The following MSH6 variants were observed in gnomAD, a reference collection of about 807,000 sequenced individuals.
MSH6 encodes the protein DNA mismatch repair protein Msh6.
In MSH6, 85 loss-of-function variants were observed where a neutral mutation model predicts 119.1. The ratio of observed to expected loss-of-function variants is 0.71; its 90% CI spans 0.60 to 0.85. The LOEUF is 0.85. Ranked by LOEUF, MSH6 falls within the 40% of genes least tolerant of loss-of-function variation. The pLI is 0.00. For synonymous variants in MSH6, 830 were observed against 586.9 expected (o/e 1.41, Z -5.99); for missense variants, 2,163 against 1,655.3 (o/e 1.31, Z -5.32).
intron 1 of MSH6, chr2:47,783,734 G>A (rs933819192): frequency 3.4e-4 from 169 of 491,828 alleles, no homozygotes; most frequent in Non-Finnish European, 4.4e-4. Context: ...CAGGGGAGAC[G>A]CGGAGAGTTC....
At chr2:47,809,153 G>A (rs368811481), downstream of MSH6, 47 of 1,498,728 alleles carry the variant, frequency 3.1e-5, no homozygotes, top group Non-Finnish European at 3.8e-5. Flanking sequence ...ATATTTCTAA[G>A]TTACCTGTAG....
At position 47,806,751 on chromosome 2, in the gene MSH6, CTT is replaced by C. The variant is rs59056100; in HGVS notation, c.4002-11_4002-10del. On this transcript the variant is annotated intron_variant, in intron 9 of 9. Coordinates refer to ENST00000234420, the MANE Select transcript of MSH6 (RefSeq NM_000179.3). ...GATGCACTATGAAAAAACAAAAAAA[CTT>C]TTTTTTTTTTTTTTTTAATTTTAAG... is the stretch of plus-strand genomic sequence containing the variant. The C allele has an allele frequency of 0.051, 70,887 of 1,399,250 alleles. 3 individuals are homozygous for C. Among genetic ancestry groups the C allele is most frequent in the Non-Finnish European group, 0.053 (54,390 of 1,033,070 alleles). The allele number at this position is 1,399,250 out of a possible 1,614,324, so 86.7% of individuals were successfully genotyped here. A position where few individuals can be genotyped will look rare whatever the true frequency, so the allele number is the denominator to read the frequency against.
At chr2:47,807,515 C>T (rs958657911), downstream of MSH6, 4 of 208,960 alleles carry the variant, frequency 1.9e-5, no homozygotes, top group East Asian at 1.5e-4. Flanking sequence ...ATAGAAAGAA[C>T]GTACATACTG....
intron 7 of MSH6, 45 bp downstream of exon 7, chr2:47,805,752 C>A: frequency 2.3e-6 from 3 of 1,327,286 alleles, no homozygotes; most frequent in Non-Finnish European, 3.3e-6. Context: ...ATCTTAAAAA[C>A]ATTTGTACAA....
chr2:47,809,974 T>C (rs1331093231), downstream of MSH6: 6 of 495,288 alleles, frequency 1.2e-5, no homozygotes, highest in Non-Finnish European at 1.8e-5. Flanking sequence ...TTGCATCCAT[T>C]TTAACATCTC....
downstream of MSH6, chr2:47,807,080 GCTGTTTTATACCCA>G: frequency 1.8e-6 from 1 of 544,292 alleles, no homozygotes; most frequent in Non-Finnish European, 3.2e-6. Context: ...ACACTTTCAG[GCTGTTTTATACCCA>G]CTGTCACCAA....
intron 1 of MSH6, chr2:47,784,388 C>A: frequency 2.8e-6 from 1 of 363,268 alleles, no homozygotes; most frequent in Non-Finnish European, 3.8e-6. Context: ...GGGCGCTGGA[C>A]AAAGATGTGT....
At position 47,788,922 on chromosome 2, in the gene MSH6, G is replaced by GTTTTTTTTGTTTTTTTTGTTTTTTTTT. The variant is rs1668541391; in HGVS notation, c.261-1997_261-1996insGTTTTTTTTGTTTTTTTTTTTTTTTTT. Among the ~76,000 whole-genome samples the GTTTTTTTTGTTTTTTTTGTTTTTTTTT allele has an allele frequency of 1.2e-4, 5 of 40,932 alleles. 1 individual carries two copies. The highest frequency in any genetic ancestry group is 5.0e-4 in the African/African-American group (5 of 9,986). The allele number at this position is 40,932 out of a possible 152,430, so 26.9% of individuals were successfully genotyped here. A position where few individuals can be genotyped will look rare whatever the true frequency, so the allele number is the denominator to read the frequency against. Reference sequence around the variant, plus strand: ...TTTCTTCTTCCTTTTTTTTTTTTTTGTTTTTTTTTTTTTTTTTTTTTTTTT... The same window carrying GTTTTTTTTGTTTTTTTTGTTTTTTTTT: ...TTTCTTCTTCCTTTTTTTTTTTTTTGTTTTTTTTGTTTTTTTTGTTTTTTTTTTTTTTTTTTTTTTTTTTTTTTTTTT... On this transcript the variant is annotated intron_variant, in intron 1 of 9. Transcript: ENST00000234420.
rs41295268 is a variant in MSH6, at chr2:47,799,386, G to A, written c.1403G>A (p.Arg468His). The change falls in exon 4 of 10, where the codon CGT (arginine) becomes CAT (histidine). Residue 468 changes from arginine to histidine, a missense_variant. By Grantham distance (29) the Arg-to-His change is conservative. Coordinates refer to ENST00000234420, the MANE Select transcript of MSH6 (RefSeq NM_000179.3). Reference sequence around the variant, plus strand: ...GGCTTTCCTGAAATTGCATTTGGCCGTTATTCAGATTCCCTGGTGCAGAAG... The same window carrying A: ...GGCTTTCCTGAAATTGCATTTGGCCATTATTCAGATTCCCTGGTGCAGAAG... ...HSGFPEIAFG[R>H]YSDSLVQKGY... The A allele has an allele frequency of 1.9e-5, 31 of 1,613,978 alleles. No homozygotes were observed. The highest frequency in any genetic ancestry group is 6.7e-5 in the Admixed American group (4 of 59,976).
intron 1 of MSH6, chr2:47,784,209 C>G: frequency 4.0e-6 from 4 of 1,004,094 alleles, no homozygotes; most frequent in Non-Finnish European, 4.8e-6. Flanking sequence ...CGTGGGGAGC[C>G]GAAGTGCTGG....
Position 47,798,839 on chromosome 2 carries a change from G to C in MSH6, c.856G>C (p.Glu286Gln), listed in dbSNP as rs1057520605. The change falls in exon 4 of 10, where the codon GAG becomes CAG. Residue 286 changes from glutamate to glutamine, a missense_variant. By Grantham distance (29) the Glu-to-Gln change is conservative. Transcript: ENST00000234420. ...DEISSGVGDS[E>Q]SEGLNSPVKV... ...AATAAGCAGTGGAGTGGGGGATAGT[G>C]AGAGTGAAGGCCTGAACAGCCCTGT... 1 of 1,614,210 alleles carries C rather than the reference G, an allele frequency of 6.2e-7. No individual in the cohort carries two copies. The highest frequency in any genetic ancestry group is 1.1e-5 in the South Asian group (1 of 91,088).
chr2:47,783,919 G>GGGTGGCA, intron 1 of MSH6: 1 of 1,007,968 alleles, frequency 9.9e-7, no homozygotes, highest in Non-Finnish European at 1.2e-6. Flanking sequence ...GCGGGGTGGC[G>GGGTGGCA]GGAAGGAGGA....
At chr2:47,806,139 GTTTTAATTCCTTT>G in intron 7 of MSH6, 52 bp from the exon 8 acceptor site, 6 of 1,226,948 alleles carry the variant, frequency 4.9e-6, no homozygotes, top group African/African-American at 1.6e-5. Flanking sequence ...TAGCATTTTT[GTTTTAATTCCTTT>G]TTTGTTTTAA....
At position 47,798,799 on chromosome 2, in the gene MSH6, A is replaced by C. The variant is rs863224631; in HGVS notation, c.816A>C (p.Glu272Asp). 6.2e-7 allele frequency: 1 copy of C among 1,614,208 alleles called. No individual in the cohort carries two copies. The highest frequency in any genetic ancestry group is 8.5e-7 in the Non-Finnish European group (1 of 1,180,036). ...AATTTAAGCCAGACACTAAGGAGGA[A>C]GGAAGCAGTGATGAAATAAGCAGTG... ...DVEFKPDTKE[E>D]GSSDEISSGV... Residue 272 changes from glutamate to aspartate, a missense_variant, in exon 4 of 10, where the codon GAA becomes GAC. Physicochemically the swap from Glu to Asp is conservative, Grantham distance 45 (BLOSUM62 2). Transcript: ENST00000234420.
chr2:47,790,280 C>G (rs992310679), intron 1 of MSH6, among the ~76,000 whole-genome samples: 1 of 152,096 alleles, frequency 6.6e-6, no homozygotes, highest in Non-Finnish European at 1.5e-5. Context: ...AAAAATAAGC[C>G]AGGTGTGATG....
intron 1 of MSH6, chr2:47,783,724 C>A: frequency 2.0e-6 from 1 of 496,390 alleles, no homozygotes; most frequent in Non-Finnish European, 3.2e-6. Context: ...AAGAGGGCTG[C>A]AGGGGAGACG....
intron 2 of MSH6, among the ~76,000 whole-genome samples, chr2:47,793,212 T>G (rs1283252864): frequency 6.7e-6 from 1 of 148,622 alleles, no homozygotes; most frequent in Non-Finnish European, 1.5e-5. Flanking sequence ...TCCCAGCTAC[T>G]TGGGAGGCTG....
rs786201116 is a variant in MSH6 at position 47,795,949 on chromosome 2, A to G, written c.513A>G (p.Glu171=). The G allele has an allele frequency of 6.2e-7, 1 of 1,614,222 alleles. No homozygotes were observed. The highest frequency in any genetic ancestry group is 8.5e-7 in the Non-Finnish European group (1 of 1,180,034). ...GTCATTTTTACAGTGCAAAGCCTGA[A>G]ATACTGAGAGCAATGCAACGTGCAG... The part of the protein sequence containing the change: ...KGGHFYSAKP[E]ILRAMQRADE... Residue 171 remains glutamate (E), a synonymous_variant, in exon 3 of 10, where the codon GAA becomes GAG. Coordinates refer to ENST00000234420, the MANE Select transcript of MSH6 (RefSeq NM_000179.3).
At chr2:47,802,199 T>C (rs904040720) in intron 4 of MSH6, among the ~76,000 whole-genome samples, 2 of 152,226 alleles carry the variant, frequency 1.3e-5, no homozygotes, top group African/African-American at 2.4e-5. Flanking sequence ...TTTCCTACAA[T>C]TGATTTTTCA....
Sources: gnomAD v4.1 joint callset for allele counts (sites outside exome capture counted in the v4.1 genomes callset) on GRCh38, gnomAD v4.1.1 for gene constraint, MANE v1.5 for transcripts, NCBI Gene and HGNC (gene_info 2026-07-23, HGNC 2026-07-21) for gene names.